CAMK1D: variants seen among roughly 807,000 people sequenced by gnomAD.
CAMK1D encodes the protein calcium/calmodulin-dependent protein kinase type 1D.
CAMK1D carries 9 observed loss-of-function variants against 47.7 expected under a neutral mutation model. That is an observed-to-expected ratio of 0.19 (90% CI 0.11 to 0.33). The LOEUF (loss-of-function observed/expected upper bound fraction) is 0.33, where lower values mean the gene tolerates loss of function less well. Among genes scored for constraint, CAMK1D ranks in the 10% least tolerant of loss-of-function variants. The pLI, the probability that CAMK1D is intolerant of heterozygous loss-of-function variation, is 1.00. For missense variants in CAMK1D, 291 were observed against 488.7 expected (o/e 0.60, Z 3.81); for synonymous variants, 184 against 184.9 (o/e 0.99, Z 0.04).
intron 1 of CAMK1D, among the ~76,000 whole-genome samples, chr10:12,541,970 G>A (rs1016434008): frequency 6.6e-6 from 1 of 150,802 alleles, no homozygotes; most frequent in Non-Finnish European, 1.5e-5. Context: ...CAGCCACCCA[G>A]CCCAAGTGAT....
rs138268415 is a variant in CAMK1D, at chr10:12,462,844, C to T, written c.93-90381C>T. Among the ~76,000 whole-genome samples the T allele has an allele frequency of 2.5e-4, 38 of 152,290 alleles. 1 individual carries two copies. In the East Asian group the frequency reaches 7.4e-3, roughly 29 times the overall value. ...CTGAGTAGCTGGGACTACAGGCATG[C>T]ACCACCATGCCCAGCTTGAGCTCTT... On this transcript the variant is annotated intron_variant, in intron 1 of 10. Coordinates refer to ENST00000619168, the MANE Select transcript of CAMK1D (RefSeq NM_153498.4).
At chr10:12,737,755 T>G (rs1835250826) in intron 3 of CAMK1D, among the ~76,000 whole-genome samples, 1 of 152,120 alleles carries the variant, frequency 6.6e-6, no homozygotes, top group Non-Finnish European at 1.5e-5. Context: ...CACTTTGGGG[T>G]AAAGGGGACG....
chr10:12,617,932 G>A (rs1186492669), intron 2 of CAMK1D, among the ~76,000 whole-genome samples: 2 of 152,182 alleles, frequency 1.3e-5, no homozygotes, highest in Non-Finnish European at 2.9e-5. Context: ...TTGGATTACA[G>A]CCGTTTATCT....
At chr10:12,661,497 A>G (rs867738634) in intron 2 of CAMK1D, among the ~76,000 whole-genome samples, 2 of 152,228 alleles carry the variant, frequency 1.3e-5, no homozygotes, top group African/African-American at 4.8e-5. Context: ...TACCTACTTC[A>G]TGGGCTTGTT....
chr10:12,826,010 A>C (rs1300880457), intron 10 of CAMK1D: 2 of 292,590 alleles, frequency 6.8e-6, no homozygotes, highest in Non-Finnish European at 1.3e-5. Flanking sequence ...GGTGGCGAGC[A>C]CCTGTAATGT....
intron 3 of CAMK1D, among the ~76,000 whole-genome samples, chr10:12,722,251 G>A (rs1347026400): frequency 6.6e-6 from 1 of 151,632 alleles, no homozygotes; most frequent in African/African-American, 2.4e-5. Flanking sequence ...AGACCATCCC[G>A]GGGATAACAC....
At chr10:12,676,539 G>A (rs771119568) in intron 3 of CAMK1D, among the ~76,000 whole-genome samples, 10 of 152,094 alleles carry the variant, frequency 6.6e-5, no homozygotes, top group Non-Finnish European at 7.3e-5. Flanking sequence ...TGATCACCTG[G>A]GAATGTAATA....
At chr10:12,371,444 C>CG (rs1188597205) in intron 1 of CAMK1D, among the ~76,000 whole-genome samples, 1 of 151,254 alleles carries the variant, frequency 6.6e-6, no homozygotes, top group African/African-American at 2.4e-5. Context: ...GGCTTAGTGG[C>CG]GGGCGCCTGT....
intron 2 of CAMK1D, among the ~76,000 whole-genome samples, chr10:12,593,428 G>A (rs1186837459): frequency 6.6e-6 from 1 of 151,874 alleles, no homozygotes; most frequent in African/African-American, 2.4e-5. Flanking sequence ...TGTCTTTACC[G>A]AAAATACAAA....
At chr10:12,556,415 A>C (rs1836763079) in intron 2 of CAMK1D, among the ~76,000 whole-genome samples, 1 of 152,160 alleles carries the variant, frequency 6.6e-6, no homozygotes, top group Non-Finnish European at 1.5e-5. Flanking sequence ...GGCATTGCAG[A>C]TGCTGTGTAG....
intron 5 of CAMK1D, among the ~76,000 whole-genome samples, chr10:12,786,583 GC>G (rs1380287825): frequency 6.6e-6 from 1 of 152,152 alleles, no homozygotes; most frequent in Non-Finnish European, 1.5e-5. Flanking sequence ...TTTAGAGACA[GC>G]GTCTCACTCT....
chr10:12,501,810 CA>C (rs1298259056), intron 1 of CAMK1D, among the ~76,000 whole-genome samples: 1 of 151,706 alleles, frequency 6.6e-6, no homozygotes, highest in African/African-American at 2.4e-5. Flanking sequence ...GCCTGAGTGT[CA>C]GGGGTGCTTG....
intron 1 of CAMK1D, among the ~76,000 whole-genome samples, chr10:12,358,511 C>T (rs187744608): frequency 2.6e-3 from 393 of 152,110 alleles, no homozygotes; most frequent in African/African-American, 8.9e-3. Flanking sequence ...CCAGCTTGGG[C>T]GACAGAGTGA....
At chr10:12,741,822 C>A (rs1450866457) in intron 3 of CAMK1D, among the ~76,000 whole-genome samples, 2 of 152,172 alleles carry the variant, frequency 1.3e-5, no homozygotes, top group Non-Finnish European at 2.9e-5. Flanking sequence ...AACTTTGGAA[C>A]TGAGACGGCC....
intron 1 of CAMK1D, among the ~76,000 whole-genome samples, chr10:12,456,950 C>T (rs1032389754): frequency 6.6e-6 from 1 of 152,074 alleles, no homozygotes; most frequent in African/African-American, 2.4e-5. Flanking sequence ...GATGAAATGA[C>T]ATTTGCTCAC....
intron 1 of CAMK1D, among the ~76,000 whole-genome samples, chr10:12,451,516 G>A (rs1564347941): frequency 6.6e-6 from 1 of 152,188 alleles, no homozygotes; most frequent in Non-Finnish European, 1.5e-5. Flanking sequence ...CCACCCTGGG[G>A]CAGCTCTTTT....
rs1833408051 is a variant in CAMK1D, at chr10:12,830,945, A to ACACACG, written c.*2063_*2064insGCACAC. 1 of 153,368 alleles carries ACACACG rather than the reference A, an allele frequency of 6.5e-6. No homozygotes were observed. Among genetic ancestry groups the ACACACG allele is most frequent in the Non-Finnish European group, 1.4e-5 (1 of 69,852 alleles). The allele number at this position is 153,368 out of a possible 1,614,324, so 9.5% of individuals were successfully genotyped here. A position where few individuals can be genotyped will look rare whatever the true frequency, so the allele number is the denominator to read the frequency against. On this transcript the variant is annotated 3_prime_UTR_variant, in exon 11 of 11. Coordinates refer to ENST00000619168, the MANE Select transcript of CAMK1D (RefSeq NM_153498.4). Reference sequence around the variant, plus strand: ...TCAATAAACACACACACACACACACACACACACACACACACACACAATGTT... The same window carrying ACACACG: ...TCAATAAACACACACACACACACACACACACGCACACACACACACACACACAATGTT...
At chr10:12,584,279 A>G (rs560933187) in intron 2 of CAMK1D, among the ~76,000 whole-genome samples, 1 of 152,360 alleles carries the variant, frequency 6.6e-6, no homozygotes, top group African/African-American at 2.4e-5. Flanking sequence ...CTCCAGGAAG[A>G]GAAAATTGGA....
intron 5 of CAMK1D, among the ~76,000 whole-genome samples, chr10:12,774,195 G>T (rs181590047): frequency 6.6e-6 from 1 of 152,150 alleles, no homozygotes. Context: ...AAGTTCATTC[G>T]TGTGTTAGGT....
Sources: allele counts gnomAD v4.1 joint callset (sites outside exome capture counted in the v4.1 genomes callset), GRCh38; gene constraint gnomAD v4.1.1; transcripts MANE v1.5; gene names NCBI Gene and HGNC (gene_info 2026-07-23, HGNC 2026-07-21).